SUMF1: variants seen among roughly 807,000 people sequenced by gnomAD.
SUMF1 encodes the protein formylglycine-generating enzyme.
A neutral mutation model predicts 47.6 loss-of-function variants in SUMF1; 48 were observed. The ratio of observed to expected loss-of-function variants is 1.01; its 90% CI spans 0.80 to 1.28. The LOEUF is 1.28. SUMF1 is among the 50% of genes most tolerant of loss of function. SUMF1 has a pLI of 0.00. For missense variants in SUMF1, 571 were observed against 485.4 expected, an observed-to-expected ratio of 1.18 and a Z score of -1.66; for synonymous variants, 230 against 192.1, an observed-to-expected ratio of 1.20 and a Z score of -1.63.
At chr3:4,093,222 C>A (rs890480803) in intron 8 of SUMF1, among the ~76,000 whole-genome samples, 1 of 152,048 alleles carries the variant, frequency 6.6e-6, no homozygotes, top group East Asian at 1.9e-4. Flanking sequence ...CAAGGTAATA[C>A]CTAGCACATA....
chr3:4,050,885 CAT>C (rs2125022994), intron 9 of SUMF1, among the ~76,000 whole-genome samples: 1 of 151,374 alleles, frequency 6.6e-6, no homozygotes, highest in African/African-American at 2.4e-5. Flanking sequence ...TTCTAAGAAA[CAT>C]AATCTTCAAA....
Position 4,134,147 on chromosome 3 carries a change from C to T in SUMF1, c.1015-65402G>A, listed in dbSNP as rs1693862606. Among the ~76,000 whole-genome samples the T allele has an allele frequency of 2.0e-5, 3 of 152,108 alleles. No individual in the cohort carries two copies. The South Asian group carries it at 6.2e-4, about 31-fold the overall frequency. On this transcript the variant is annotated intron_variant and NMD_transcript_variant, in intron 8 of 12. Coordinates refer to the SUMF1 transcript ENST00000448413. ...TAGACATCTACAGAACTCTCCACCA[C>T]ATATCAACAGAATATACATTCCTTT...
At chr3:4,140,511 C>G (rs1470319360) in intron 8 of SUMF1, among the ~76,000 whole-genome samples, 2 of 151,968 alleles carry the variant, frequency 1.3e-5, no homozygotes, top group Non-Finnish European at 2.9e-5. Context: ...GCCCTTTGGA[C>G]TCATCTGTTC....
At chr3:4,349,221 A>AT (rs1211965794) in intron 8 of SUMF1, among the ~76,000 whole-genome samples, 9 of 152,258 alleles carry the variant, frequency 5.9e-5, no homozygotes, top group East Asian at 1.9e-4. Context: ...CAAGACATTT[A>AT]TGCAGCCAAT....
intron 7 of SUMF1, among the ~76,000 whole-genome samples, chr3:4,390,614 A>T (rs1393090404): frequency 6.6e-6 from 1 of 152,068 alleles, no homozygotes; most frequent in African/African-American, 2.4e-5. Context: ...ACAGGGTCTC[A>T]CTCTGTCACC....
intron 8 of SUMF1, among the ~76,000 whole-genome samples, chr3:4,254,073 T>A (rs1162584123): frequency 6.7e-6 from 1 of 150,302 alleles, no homozygotes; most frequent in East Asian, 2.0e-4. Flanking sequence ...GAAGGAAAAC[T>A]AACAAACAGA....
intron 8 of SUMF1, among the ~76,000 whole-genome samples, chr3:4,185,027 T>G (rs554196070): frequency 1.3e-5 from 2 of 152,160 alleles, no homozygotes; most frequent in African/African-American, 4.8e-5. Flanking sequence ...ATCATCCTAT[T>G]TCCTATACAA....
At chr3:4,058,274 G>T (rs1302347929) in intron 9 of SUMF1, among the ~76,000 whole-genome samples, 1 of 152,154 alleles carries the variant, frequency 6.6e-6, no homozygotes, top group Non-Finnish European at 1.5e-5. Context: ...CTGCCCGACT[G>T]CTCTGCAACT....
chr3:4,340,747 C>T (rs1370041188), intron 8 of SUMF1, among the ~76,000 whole-genome samples: 1 of 152,126 alleles, frequency 6.6e-6, no homozygotes, highest in African/African-American at 2.4e-5. Context: ...CGTGTGAGAG[C>T]AAGAATGACT....
intron 8 of SUMF1, among the ~76,000 whole-genome samples, chr3:4,272,553 C>T (rs564737534): frequency 7.2e-5 from 11 of 152,160 alleles, no homozygotes; most frequent in Admixed American, 2.0e-4. Flanking sequence ...AGCAGCAGAC[C>T]TGGAAGCGGG....
intron 8 of SUMF1, among the ~76,000 whole-genome samples, chr3:4,291,823 C>T (rs1400752676): frequency 6.6e-6 from 1 of 152,160 alleles, no homozygotes. Context: ...TATAATCTCT[C>T]GCTGCTTCTC....
chr3:4,432,578 C>G (rs1347879035), intron 3 of SUMF1, among the ~76,000 whole-genome samples: 1 of 152,166 alleles, frequency 6.6e-6, no homozygotes, highest in Non-Finnish European at 1.5e-5. Flanking sequence ...TAGCCTTGCT[C>G]ATTGTTTAGA....
intron 8 of SUMF1, among the ~76,000 whole-genome samples, chr3:4,338,429 C>T (rs998740557): frequency 1.3e-5 from 2 of 152,136 alleles, no homozygotes; most frequent in African/African-American, 4.8e-5. Context: ...CAACATGACA[C>T]CTTATCAGCA....
intron 8 of SUMF1, among the ~76,000 whole-genome samples, chr3:4,218,412 GAAT>G (rs1559579161): frequency 6.6e-6 from 1 of 152,176 alleles, no homozygotes; most frequent in African/African-American, 2.4e-5. Context: ...AGGCCTCCGG[GAAT>G]AATAATTGAT....
chr3:4,363,746 A>T lies in SUMF1; in HGVS notation c.1015-1492T>A, dbSNP rs1368332426. Among the ~76,000 whole-genome samples the T allele has an allele frequency of 7.5e-5, 9 of 120,078 alleles. No individual in the cohort carries two copies. The Admixed American group carries it at 8.5e-4, about 11-fold the overall frequency. The allele number at this position is 120,078 out of a possible 152,430, so 78.8% of individuals were successfully genotyped here. On this transcript the variant is annotated intron_variant, in intron 8 of 8. Coordinates refer to ENST00000272902, the MANE Select transcript of SUMF1 (RefSeq NM_182760.4). Reference sequence around the variant, plus strand: ...CTCCTGCCTAATCGCCCTGGCCAGAACTTCCAACACTATGTTGAATAGGAG... The same window carrying T: ...CTCCTGCCTAATCGCCCTGGCCAGATCTTCCAACACTATGTTGAATAGGAG...
intron 7 of SUMF1, among the ~76,000 whole-genome samples, chr3:4,403,017 T>C (rs185179707): frequency 1.3e-4 from 20 of 152,312 alleles, no homozygotes; most frequent in African/African-American, 4.1e-4. Flanking sequence ...ACAGTAACAG[T>C]AGGCGTGCCT....
At chr3:4,441,443 T>C (rs939042124) in intron 3 of SUMF1, among the ~76,000 whole-genome samples, 1 of 152,156 alleles carries the variant, frequency 6.6e-6, no homozygotes, top group Non-Finnish European at 1.5e-5. Flanking sequence ...ATAAATATAA[T>C]TTGCTTCAAA....
At chr3:4,267,383 A>G (rs1575036832) in intron 8 of SUMF1, among the ~76,000 whole-genome samples, 1 of 152,282 alleles carries the variant, frequency 6.6e-6, no homozygotes, top group East Asian at 1.9e-4. Flanking sequence ...TAAAGTATTG[A>G]TTATTACCGC....
At chr3:4,144,156 G>T (rs889343769) in intron 8 of SUMF1, among the ~76,000 whole-genome samples, 1 of 151,630 alleles carries the variant, frequency 6.6e-6, no homozygotes, top group Admixed American at 6.6e-5. Context: ...TCGTAGAGAC[G>T]GGGTCTTACC....
Sources: allele counts gnomAD v4.1 joint callset (sites outside exome capture counted in the v4.1 genomes callset), GRCh38; gene constraint gnomAD v4.1.1; transcripts MANE v1.5; gene names NCBI Gene and HGNC (gene_info 2026-07-23, HGNC 2026-07-21).